The following COL11A1 variants were observed in gnomAD, a reference collection of about 807,000 sequenced individuals.
The protein encoded by COL11A1 is collagen type XI alpha 1 chain, also known as collagen alpha-1(XI) chain.
In COL11A1, 74 loss-of-function variants were observed where a neutral mutation model predicts 265.2. That is an observed-to-expected ratio of 0.28 (90% CI 0.23 to 0.34). The LOEUF (loss-of-function observed/expected upper bound fraction) is 0.34. Ranked by LOEUF, COL11A1 falls within the 10% of genes least tolerant of loss-of-function variation. The pLI, the probability that COL11A1 is intolerant of heterozygous loss-of-function variation, is 1.00. For synonymous variants in COL11A1, 816 were observed against 727.6 expected (o/e 1.12, Z -1.96); for missense variants, 2,165 against 2,263.6 (o/e 0.96, Z 0.88).
chr1:103,051,160 T>G (rs1396249942), intron 4 of COL11A1, among the ~76,000 whole-genome samples: 1 of 152,234 alleles, frequency 6.6e-6, no homozygotes, highest in Non-Finnish European at 1.5e-5. Context: ...CTGCAGAGGT[T>G]ACTGCTGTCT....
At chr1:102,952,046 G>A (rs72683281) in intron 41 of COL11A1, among the ~76,000 whole-genome samples, 11,819 of 152,050 alleles carry the variant, frequency 0.078, 656 homozygotes, top group Non-Finnish European at 0.11. Context: ...CATATATCAA[G>A]AAGAGACAGA....
intron 52 of COL11A1, among the ~76,000 whole-genome samples, 199 bp downstream of exon 52, chr1:102,914,153 G>A (rs888838565): frequency 4.6e-5 from 7 of 152,176 alleles, no homozygotes; most frequent in African/African-American, 1.7e-4. Flanking sequence ...GTTGCATGAA[G>A]AGCTTAATCA....
At chr1:103,087,639 T>G (rs1672983107) in intron 1 of COL11A1, among the ~76,000 whole-genome samples, 1 of 152,172 alleles carries the variant, frequency 6.6e-6, no homozygotes, top group Non-Finnish European at 1.5e-5. Flanking sequence ...CTGGCTTGCT[T>G]CTGGGCCTTT....
At chr1:103,094,428 G>A (rs1489261580) in intron 1 of COL11A1, among the ~76,000 whole-genome samples, 3 of 152,082 alleles carry the variant, frequency 2.0e-5, no homozygotes, top group Non-Finnish European at 4.4e-5. Flanking sequence ...AGTGGAGGAA[G>A]GATTGGTACC....
At chr1:103,068,845 T>A (rs896173942) in intron 4 of COL11A1, among the ~76,000 whole-genome samples, 24 of 151,022 alleles carry the variant, frequency 1.6e-4, no homozygotes, top group Admixed American at 7.9e-4. Flanking sequence ...AAAAAAATAC[T>A]TAGGAAAAAA....
intron 43 of COL11A1, 122 bp from the exon 44 acceptor site, chr1:102,939,210 T>A: frequency 2.2e-6 from 2 of 903,102 alleles, no homozygotes; most frequent in Non-Finnish European, 3.6e-6. Context: ...ATGTCACTGT[T>A]TAAAATGGAA....
Position 103,084,595 on chromosome 1 carries a change from G to GAA in COL11A1, c.107-1625_107-1624dup, listed in dbSNP as rs34675170. Reference sequence around the variant, plus strand: ...TACACTACATGAAATATGCCATTTAGAAAAAAAAAAAAAAACACTTTATCT... The same window carrying GAA: ...TACACTACATGAAATATGCCATTTAGAAAAAAAAAAAAAAAAACACTTTATCT... On this transcript the variant is annotated intron_variant, in intron 1 of 66. Coordinates refer to ENST00000370096, the MANE Select transcript of COL11A1 (RefSeq NM_001854.4). Among the ~76,000 whole-genome samples, 288 of 135,870 alleles carry GAA rather than the reference G, an allele frequency of 2.1e-3. 1 individual carries two copies. Among genetic ancestry groups the GAA allele is most frequent in the African/African-American group, 7.2e-3 (255 of 35,610 alleles). 89.1% of individuals were successfully genotyped at this position (135,870 alleles called of 152,430 possible). A position where few individuals can be genotyped will look rare whatever the true frequency, so the allele number is the denominator to read the frequency against.
chr1:102,901,161 A>G (rs1653142791), intron 54 of COL11A1, among the ~76,000 whole-genome samples: 3 of 152,204 alleles, frequency 2.0e-5, no homozygotes, highest in South Asian at 4.1e-4. Context: ...TCTACTAAAA[A>G]TACAAAAAAT....
intron 23 of COL11A1, 62 bp from the exon 24 acceptor site, chr1:103,002,031 C>T (rs1665156566): frequency 7.2e-7 from 1 of 1,383,198 alleles, no homozygotes; most frequent in Non-Finnish European, 1.0e-6. Context: ...GCTTTTAAAA[C>T]AGCAAATTAT....
At chr1:103,092,697 A>T (rs1357744608) in intron 1 of COL11A1, among the ~76,000 whole-genome samples, 1 of 152,134 alleles carries the variant, frequency 6.6e-6, no homozygotes, top group Non-Finnish European at 1.5e-5. Flanking sequence ...TCTCTCTAGT[A>T]AATTGCCTAT....
At chr1:102,986,501 A>G (rs1170818498) in intron 30 of COL11A1, among the ~76,000 whole-genome samples, 2 of 152,060 alleles carry the variant, frequency 1.3e-5, no homozygotes, top group African/African-American at 4.8e-5. Context: ...AACATGGCAC[A>G]TGTATACATA....
chr1:103,032,954 C>T (rs1668094929), intron 4 of COL11A1, among the ~76,000 whole-genome samples: 1 of 152,060 alleles, frequency 6.6e-6, no homozygotes, highest in South Asian at 2.1e-4. Context: ...ACAGCCTTGT[C>T]CAACCATCAC....
At chr1:102,933,945 G>A (rs532289516) in intron 46 of COL11A1, among the ~76,000 whole-genome samples, 1 of 152,076 alleles carries the variant, frequency 6.6e-6, no homozygotes, top group South Asian at 2.1e-4. Context: ...GCCCTGCTTC[G>A]GCTCGCACAC....
chr1:103,033,823 G>T lies in COL11A1; in HGVS notation c.652-2579C>A, dbSNP rs190116524. On this transcript the variant is annotated intron_variant, in intron 4 of 66. Coordinates refer to ENST00000370096, the MANE Select transcript of COL11A1 (RefSeq NM_001854.4). The stretch of plus-strand genomic sequence containing the variant: ...TTAATTTTTCTTTGTTTTAAGAGTG[G>T]TGTCTTATTATGTTGCCCAAAGCTG... Among the ~76,000 whole-genome samples the T allele has an allele frequency of 3.7e-4, 56 of 152,054 alleles. 1 individual carries two copies. Among genetic ancestry groups the T allele is most frequent in the Admixed American group, 3.4e-3 (52 of 15,258 alleles).
intron 54 of COL11A1, among the ~76,000 whole-genome samples, chr1:102,907,246 CTCA>C (rs1252827977): frequency 1.3e-5 from 2 of 151,988 alleles, no homozygotes; most frequent in African/African-American, 4.8e-5. Flanking sequence ...ATTAAAATAG[CTCA>C]TCATCTTTCT....
At chr1:103,030,206 C>T (rs1269959770) in intron 5 of COL11A1, among the ~76,000 whole-genome samples, 1 of 151,946 alleles carries the variant, frequency 6.6e-6, no homozygotes, top group Non-Finnish European at 1.5e-5. Flanking sequence ...CTCATATTTG[C>T]CTTCCTGTTA....
At chr1:102,974,656 A>G (rs1662293048) in intron 36 of COL11A1, among the ~76,000 whole-genome samples, 174 bp downstream of exon 36, 1 of 152,202 alleles carries the variant, frequency 6.6e-6, no homozygotes, top group Non-Finnish European at 1.5e-5. Flanking sequence ...AATTATATTC[A>G]GAAACGATCT....
chr1:103,026,187 C>T (rs1200402762), intron 6 of COL11A1, 29 bp downstream of exon 6: 1 of 1,473,476 alleles, frequency 6.8e-7, no homozygotes, highest in Non-Finnish European at 9.5e-7. Context: ...AGCAGGACAC[C>T]ACATACACAG....
chr1:103,001,271 A>C (rs935540882), intron 24 of COL11A1: 3 of 397,066 alleles, frequency 7.6e-6, no homozygotes, highest in Non-Finnish European at 1.3e-5. Context: ...TTTAAATTAC[A>C]CTTCGATAAA....
Sources: allele counts gnomAD v4.1 joint callset (sites outside exome capture counted in the v4.1 genomes callset), GRCh38; gene constraint gnomAD v4.1.1; transcripts MANE v1.5; gene names NCBI Gene and HGNC (gene_info 2026-07-23, HGNC 2026-07-21).